The following KLHL7 variants were observed in gnomAD, a reference collection of about 807,000 sequenced individuals.
The protein encoded by KLHL7 is kelch like family member 7, also known as kelch-like protein 7.
In KLHL7, 44 loss-of-function variants were observed where a neutral mutation model predicts 67.4. That is an observed-to-expected ratio of 0.65 (90% CI 0.51 to 0.84). The LOEUF is 0.84. Among genes scored for constraint, KLHL7 ranks in the 40% least tolerant of loss-of-function variants. The pLI is 0.00. For missense variants in KLHL7, 362 were observed against 718.1 expected (o/e 0.50, Z 5.67); for synonymous variants, 252 against 243.3 (o/e 1.04, Z -0.33).
At chr7:23,112,517 G>A (rs1199454103) in intron 1 of KLHL7, among the ~76,000 whole-genome samples, 1 of 152,102 alleles carries the variant, frequency 6.6e-6, no homozygotes, top group Non-Finnish European at 1.5e-5. Flanking sequence ...AGATAACAAA[G>A]GAATCACCAG....
At chr7:23,106,906 C>G in intron 1 of KLHL7, 1 of 782,954 alleles carries the variant, frequency 1.3e-6, no homozygotes, top group Middle Eastern at 6.5e-4. Flanking sequence ...TCACTTTTTC[C>G]TTTCTGTAAG....
chr7:23,172,215 T>A, intron 9 of KLHL7: 1 of 455,280 alleles, frequency 2.2e-6, no homozygotes. Flanking sequence ...ATGTATTAAA[T>A]CTCAGAAAAA....
At chr7:23,140,060 A>C (rs79298837) in intron 4 of KLHL7, among the ~76,000 whole-genome samples, 15,885 of 152,190 alleles carry the variant, frequency 0.1, 1,458 homozygotes, top group African/African-American at 0.25. Flanking sequence ...GATGTATGTC[A>C]TGTTTTTAAG....
chr7:23,145,006 G>A (rs1016526089), intron 6 of KLHL7, among the ~76,000 whole-genome samples: 1 of 152,012 alleles, frequency 6.6e-6, no homozygotes. Context: ...GCTGAGGCAG[G>A]AGGATTGCTT....
intron 6 of KLHL7, among the ~76,000 whole-genome samples, chr7:23,151,092 G>A (rs575222166): frequency 1.3e-5 from 2 of 149,130 alleles, no homozygotes; most frequent in South Asian, 4.2e-4. Context: ...AGTTAAGTCT[G>A]AACAATTTTT....
At chr7:23,151,156 TG>T (rs769886222) in intron 6 of KLHL7, among the ~76,000 whole-genome samples, 59,216 of 146,856 alleles carry the variant, frequency 0.4, 13,917 homozygotes, top group African/African-American at 0.66. Context: ...GGGCCTGTTT[TG>T]TTTTTTTTTT....
intron 4 of KLHL7, among the ~76,000 whole-genome samples, chr7:23,127,458 A>G (rs1210242793): frequency 2.6e-5 from 4 of 152,100 alleles, no homozygotes; most frequent in African/African-American, 9.7e-5. Context: ...ATAGCCCAAT[A>G]ACTAGGGAAA....
intron 7 of KLHL7, among the ~76,000 whole-genome samples, chr7:23,161,576 A>G (rs998090449): frequency 1.3e-5 from 2 of 152,192 alleles, no homozygotes; most frequent in African/African-American, 2.4e-5. Context: ...CAAAAACAGG[A>G]GATGAAAGCC....
intron 6 of KLHL7, among the ~76,000 whole-genome samples, chr7:23,144,909 G>A (rs1784306483): frequency 6.9e-6 from 1 of 144,942 alleles, no homozygotes; most frequent in African/African-American, 2.7e-5. Context: ...ATTCACCTGG[G>A]CAACATAGCG....
At chr7:23,128,342 A>G (rs1447859091) in intron 4 of KLHL7, among the ~76,000 whole-genome samples, 3 of 150,666 alleles carry the variant, frequency 2.0e-5, no homozygotes, top group Middle Eastern at 3.4e-3. Flanking sequence ...AAGATACAGG[A>G]ACTGCAGTGT....
chr7:23,118,475 A>T (rs573493921), intron 1 of KLHL7, among the ~76,000 whole-genome samples: 6 of 152,180 alleles, frequency 3.9e-5, no homozygotes, highest in African/African-American at 1.2e-4. Flanking sequence ...CCCTGCCCCA[A>T]TGATTGATGT....
chr7:23,139,469 G>A (rs188566243), intron 4 of KLHL7, among the ~76,000 whole-genome samples: 1 of 152,270 alleles, frequency 6.6e-6, no homozygotes, highest in African/African-American at 2.4e-5. Context: ...CCTTAAAATA[G>A]GAATACTACT....
chr7:23,143,597 T>C (rs369822443), intron 5 of KLHL7, among the ~76,000 whole-genome samples: 1 of 151,216 alleles, frequency 6.6e-6, no homozygotes, highest in Admixed American at 6.6e-5. Flanking sequence ...TTTTTTTTAA[T>C]CATAAATTCA....
intron 7 of KLHL7, among the ~76,000 whole-genome samples, chr7:23,161,737 C>T (rs1784859723): frequency 6.6e-6 from 1 of 152,160 alleles, no homozygotes; most frequent in Admixed American, 6.5e-5. Flanking sequence ...AGAACTGGTA[C>T]AAACCAGGAG....
chr7:23,108,182 T>G (rs1782723161), intron 1 of KLHL7, among the ~76,000 whole-genome samples: 1 of 152,246 alleles, frequency 6.6e-6, no homozygotes. Context: ...GAAACATTCC[T>G]TCAAGAATTT....
chr7:23,114,056 G>C (rs1176336695), intron 1 of KLHL7, among the ~76,000 whole-genome samples: 1 of 152,222 alleles, frequency 6.6e-6, no homozygotes, highest in Non-Finnish European at 1.5e-5. Flanking sequence ...TTTGTCAAAT[G>C]AGAGAGGAGT....
chr7:23,115,302 T>C (rs2128457556), intron 1 of KLHL7, among the ~76,000 whole-genome samples: 1 of 152,328 alleles, frequency 6.6e-6, no homozygotes, highest in Admixed American at 6.5e-5. Context: ...CATTATTTTT[T>C]GCAGCCAAAA....
rs1785280263 is a variant in KLHL7, at chr7:23,175,654, T to A, written c.*1356T>A. 1 of 270,820 alleles carries A rather than the reference T, an allele frequency of 3.7e-6. No homozygotes were observed. Among genetic ancestry groups the A allele is most frequent in the Non-Finnish European group, 7.1e-6 (1 of 141,120 alleles). 16.8% of individuals were successfully genotyped at this position (270,820 alleles called of 1,614,324 possible). The stretch of plus-strand genomic sequence containing the variant: ...GAGATATAATTCACATACCATACAA[T>A]TCACCATTTAAAGTATACTATTCAG... On this transcript the variant is annotated 3_prime_UTR_variant, in exon 11 of 11. Transcript: ENST00000339077.
chr7:23,151,875 TA>T (rs5882889), intron 6 of KLHL7, among the ~76,000 whole-genome samples, 191 bp from the exon 7 acceptor site: 72,014 of 151,786 alleles, frequency 0.47, 20,474 homozygotes, highest in African/African-American at 0.81. Flanking sequence ...TTGCTGAGAA[TA>T]AATGAATTGG....
Sources: allele counts gnomAD v4.1 joint callset (sites outside exome capture counted in the v4.1 genomes callset), GRCh38; gene constraint gnomAD v4.1.1; transcripts MANE v1.5; gene names NCBI Gene and HGNC (gene_info 2026-07-23, HGNC 2026-07-21).